Variants in NEGR1 observed in about 807,000 individuals in gnomAD.
The protein encoded by NEGR1 is neuronal growth regulator 1, also known as IgLON family member 4.
In NEGR1, 10 loss-of-function variants were observed where a neutral mutation model predicts 40.9. That is an observed-to-expected ratio of 0.24 (90% CI 0.15 to 0.42). NEGR1 has a LOEUF of 0.42. Ranked by LOEUF, NEGR1 falls within the 10% of genes least tolerant of loss-of-function variation. The probability of loss-of-function intolerance (pLI) is 1.00; values close to 1 mark genes in which losing one functional copy is unlikely to be tolerated. For synonymous variants in NEGR1, 185 were observed against 166.8 expected, an observed-to-expected ratio of 1.11 and a Z score of -0.84; for missense variants, 352 against 438.9, an observed-to-expected ratio of 0.80 and a Z score of 1.77.
chr1:72,051,447 G>T (rs1647060245), intron 1 of NEGR1, among the ~76,000 whole-genome samples: 1 of 151,420 alleles, frequency 6.6e-6, no homozygotes, highest in South Asian at 2.1e-4. Context: ...CTCACTTATG[G>T]TTTGGAGCAG....
rs1208541313 is a variant in NEGR1, at chr1:71,818,859, C to A, written c.410-42562G>T. ...AAACACGACATCCATAGGAGCAAAA[C>A]AAAAAATGTTTTGTTTTGCTTTACA... On this transcript the variant is annotated intron_variant, in intron 2 of 6. Coordinates refer to ENST00000357731, the MANE Select transcript of NEGR1 (RefSeq NM_173808.3). Among the ~76,000 whole-genome samples, 17 of 151,906 alleles carry A rather than the reference C, an allele frequency of 1.1e-4. 1 individual carries two copies. The highest frequency in any genetic ancestry group is 1.3e-4 in the Non-Finnish European group (9 of 67,896).
intron 2 of NEGR1, among the ~76,000 whole-genome samples, chr1:71,779,061 T>C (rs571357350): frequency 1.3e-5 from 2 of 152,256 alleles, no homozygotes; most frequent in Admixed American, 6.5e-5. Context: ...GGAATACACA[T>C]CTGGGAAGAG....
At chr1:71,544,146 C>A (rs1647809531) in intron 6 of NEGR1, among the ~76,000 whole-genome samples, 2 of 151,580 alleles carry the variant, frequency 1.3e-5, no homozygotes, top group Non-Finnish European at 3.0e-5. Context: ...CTAAATATTT[C>A]AACTATTTGC....
At chr1:72,097,788 T>A (rs2100236726) in intron 1 of NEGR1, among the ~76,000 whole-genome samples, 1 of 152,330 alleles carries the variant, frequency 6.6e-6, no homozygotes, top group South Asian at 2.1e-4. Flanking sequence ...TTACATATAA[T>A]ATTGGCCTCA....
chr1:71,526,349 C>T (rs190148675), intron 6 of NEGR1, among the ~76,000 whole-genome samples: 2 of 151,692 alleles, frequency 1.3e-5, no homozygotes, highest in Non-Finnish European at 3.0e-5. Context: ...TTGATGCCTC[C>T]TCACTCTCAT....
intron 2 of NEGR1, among the ~76,000 whole-genome samples, chr1:71,836,447 C>CA (rs1328689207): frequency 5.1e-4 from 70 of 135,996 alleles, no homozygotes; most frequent in East Asian, 1.7e-3. Context: ...AACAAAAAAA[C>CA]AAAAAAAACA....
At chr1:72,224,967 C>T (rs1033614498) in intron 1 of NEGR1, among the ~76,000 whole-genome samples, 2 of 151,960 alleles carry the variant, frequency 1.3e-5, no homozygotes, top group Non-Finnish European at 2.9e-5. Flanking sequence ...CTATGCATTT[C>T]AATGTATTTT....
intron 1 of NEGR1, among the ~76,000 whole-genome samples, chr1:72,145,429 T>G (rs1650869653): frequency 6.6e-6 from 1 of 152,160 alleles, no homozygotes; most frequent in Non-Finnish European, 1.5e-5. Flanking sequence ...CTAAATGTAA[T>G]AGCAGAAAAT....
intron 1 of NEGR1, among the ~76,000 whole-genome samples, chr1:72,269,381 T>C (rs918557400): frequency 2.0e-5 from 3 of 151,646 alleles, no homozygotes; most frequent in Non-Finnish European, 4.4e-5. Context: ...ATTCAGATGA[T>C]TAAACTAGGG....
intron 2 of NEGR1, among the ~76,000 whole-genome samples, chr1:71,919,321 A>G (rs1489024660): frequency 6.6e-6 from 1 of 152,182 alleles, no homozygotes; most frequent in East Asian, 1.9e-4. Context: ...GTTATCCTGA[A>G]CAATATTTGA....
At chr1:72,215,032 A>C (rs1197257963) in intron 1 of NEGR1, among the ~76,000 whole-genome samples, 2 of 152,128 alleles carry the variant, frequency 1.3e-5, no homozygotes, top group Admixed American at 6.6e-5. Context: ...GACCAATGAA[A>C]CTGAACAGAG....
rs138548291 is a variant in NEGR1 at position 71,623,614 on chromosome 1, C to T, written c.668-12468G>A. On this transcript the variant is annotated intron_variant, in intron 4 of 6. Transcript: ENST00000357731. ...CACTTCTATTTATGGAGAAAGAAAG[C>T]TAAATCAGAACATGCACAATAAGTA... is the stretch of plus-strand genomic sequence containing the variant. Among the ~76,000 whole-genome samples the T allele has an allele frequency of 3.1e-3, 472 of 151,856 alleles. 2 individuals are homozygous for T. The highest frequency in any genetic ancestry group is 4.8e-3 in the Non-Finnish European group (327 of 67,882).
intron 6 of NEGR1, among the ~76,000 whole-genome samples, chr1:71,585,688 CT>C (rs563536438): frequency 0.018 from 2,032 of 112,602 alleles, 14 homozygotes; most frequent in Middle Eastern, 0.027. Flanking sequence ...ACCTCTCCAT[CT>C]TTTTTTTTTT....
Position 72,203,172 on chromosome 1 carries a change from T to C in NEGR1, c.176+79147A>G, listed in dbSNP as rs555103099. On this transcript the variant is annotated intron_variant, in intron 1 of 6. Transcript: ENST00000357731. ...ACATTTTGCAAGGCTATAGATGTCA[T>C]AGACAGTGATTCCACTGATGGATCT... Among the ~76,000 whole-genome samples, 6 of 152,230 alleles carry C rather than the reference T, an allele frequency of 3.9e-5. No individual in the cohort carries two copies. In the East Asian group the frequency reaches 1.2e-3, roughly 29 times the overall value.
intron 6 of NEGR1, among the ~76,000 whole-genome samples, chr1:71,457,816 C>A (rs1263907556): frequency 6.6e-6 from 1 of 152,156 alleles, no homozygotes; most frequent in Non-Finnish European, 1.5e-5. Context: ...ATTCTCCTGC[C>A]TCAGCCTCCT....
chr1:71,537,236 A>G (rs1277617349), intron 6 of NEGR1, among the ~76,000 whole-genome samples: 4 of 151,754 alleles, frequency 2.6e-5, no homozygotes, highest in Non-Finnish European at 1.5e-5. Context: ...GAGATTAAAT[A>G]TCTTGTCCAT....
chr1:71,661,145 G>C (rs1259433227), intron 4 of NEGR1, among the ~76,000 whole-genome samples: 5 of 152,174 alleles, frequency 3.3e-5, no homozygotes, highest in Non-Finnish European at 7.3e-5. Flanking sequence ...ATTGTGAACA[G>C]TGCTGCAATA....
chr1:71,635,940 A>G (rs1367099699), intron 4 of NEGR1, among the ~76,000 whole-genome samples: 1 of 152,090 alleles, frequency 6.6e-6, no homozygotes, highest in Non-Finnish European at 1.5e-5. Context: ...CTATCATTTT[A>G]TAAAATGATG....
intron 2 of NEGR1, among the ~76,000 whole-genome samples, chr1:71,924,830 A>G (rs1003112138): frequency 5.9e-5 from 9 of 152,178 alleles, no homozygotes; most frequent in Admixed American, 5.9e-4. Flanking sequence ...ATAGAGAATA[A>G]GAAGGTTTTG....
Sources: gnomAD v4.1 joint callset for allele counts (sites outside exome capture counted in the v4.1 genomes callset) on GRCh38, gnomAD v4.1.1 for gene constraint, MANE v1.5 for transcripts, NCBI Gene and HGNC (gene_info 2026-07-23, HGNC 2026-07-21) for gene names.